DRGX: variants seen among roughly 807,000 people sequenced by gnomAD.
The protein encoded by DRGX is dorsal root ganglia homeobox, also known as dorsal root ganglia homeobox protein.
Under a neutral mutation model 28.6 loss-of-function variants are expected in DRGX, and 21 were observed. The ratio of observed to expected loss-of-function variants is 0.73; its 90% CI spans 0.52 to 1.06. DRGX has a LOEUF of 1.06. DRGX is among the 50% of genes least tolerant of loss of function. The pLI, the probability that DRGX is intolerant of heterozygous loss-of-function variation, is 0.00. For missense variants in DRGX, 354 were observed against 343.9 expected (o/e 1.03, Z -0.23); for synonymous variants, 136 against 139.1 (o/e 0.98, Z 0.16).
At chr10:49,374,924 G>A (rs113078626) in intron 6 of DRGX, among the ~76,000 whole-genome samples, 3,097 of 152,238 alleles carry the variant, frequency 0.02, 127 homozygotes, top group African/African-American at 0.07. Flanking sequence ...GACGTCTAAC[G>A]CAAACAGCAT....
intron 6 of DRGX, among the ~76,000 whole-genome samples, chr10:49,368,382 G>A (rs1358941482): frequency 6.6e-6 from 1 of 152,254 alleles, no homozygotes; most frequent in African/African-American, 2.4e-5. Flanking sequence ...CACACGCACA[G>A]TGTGCAAGGG....
At chr10:49,382,164 A>G (rs1849783293) in intron 6 of DRGX, among the ~76,000 whole-genome samples, 1 of 152,154 alleles carries the variant, frequency 6.6e-6, no homozygotes. Flanking sequence ...ATGCTCATCC[A>G]GAGGAATTAA....
intron 6 of DRGX, among the ~76,000 whole-genome samples, chr10:49,379,468 G>A (rs145736575): frequency 0.015 from 2,209 of 152,180 alleles, 21 homozygotes; most frequent in Admixed American, 0.027. Flanking sequence ...GGAAAACATC[G>A]TTAAAGAAGA....
intron 6 of DRGX, among the ~76,000 whole-genome samples, chr10:49,370,105 G>A (rs1338061692): frequency 3.3e-5 from 5 of 152,150 alleles, no homozygotes; most frequent in Non-Finnish European, 7.4e-5. Context: ...GGTGTGCACT[G>A]AGCAACAAGA....
At chr10:49,394,374 C>T (rs1204379606) in intron 2 of DRGX, among the ~76,000 whole-genome samples, 10 of 152,178 alleles carry the variant, frequency 6.6e-5, no homozygotes, top group Non-Finnish European at 1.5e-4. Context: ...TCTCCTAGCG[C>T]CTCACAACAT....
chr10:49,394,868 C>G (rs1423759991), intron 2 of DRGX, among the ~76,000 whole-genome samples: 1 of 152,176 alleles, frequency 6.6e-6, no homozygotes, highest in Non-Finnish European at 1.5e-5. Flanking sequence ...CCACCTGGTT[C>G]CAGGGACGGC....
chr10:49,365,931 G>C lies in DRGX; in HGVS notation c.*185C>G. The C allele has an allele frequency of 1.7e-6, 1 of 597,922 alleles. No individual in the cohort carries two copies. Among genetic ancestry groups the C allele is most frequent in the Non-Finnish European group, 2.6e-6 (1 of 384,086 alleles). 37.0% of individuals were successfully genotyped at this position (597,922 alleles called of 1,614,324 possible). On this transcript the variant is annotated 3_prime_UTR_variant, in exon 7 of 7. Coordinates refer to ENST00000374139, the MANE Select transcript of DRGX (RefSeq NM_001276451.2). ...GAAGCCAGGACAACACTGCCGCACTGGTGGGACTCCAGAGGGACGCTCCAG... is the reference window on the plus strand; with the variant it reads ...GAAGCCAGGACAACACTGCCGCACTCGTGGGACTCCAGAGGGACGCTCCAG...
intron 6 of DRGX, among the ~76,000 whole-genome samples, chr10:49,375,641 T>TG (rs141550510): frequency 6.6e-6 from 1 of 152,162 alleles, no homozygotes; most frequent in South Asian, 2.1e-4. Flanking sequence ...CACTCATTGA[T>TG]GGGGGCCAAC....
intron 6 of DRGX, among the ~76,000 whole-genome samples, chr10:49,369,324 C>T (rs1849630575): frequency 1.3e-5 from 2 of 152,214 alleles, no homozygotes; most frequent in African/African-American, 4.8e-5. Flanking sequence ...ACTCACACAG[C>T]ACTGGATTGA....
At position 49,365,992 on chromosome 10, in the gene DRGX, TG is replaced by T; in HGVS notation, c.*123del. On this transcript the variant is annotated 3_prime_UTR_variant, in exon 7 of 7. Transcript: ENST00000374139. ...AGCTGTGGGTCTCACTTGCCCGTCC[TG>T]GGTCCATGCAGAGGCCCTGGGGCCG... 1 of 1,241,232 alleles carries T rather than the reference TG, an allele frequency of 8.1e-7. No homozygotes were observed. The highest frequency in any genetic ancestry group is 1.1e-6 in the Non-Finnish European group (1 of 937,372). 76.9% of individuals were successfully genotyped at this position (1,241,232 alleles called of 1,614,324 possible). A position where few individuals can be genotyped will look rare whatever the true frequency, so the allele number is the denominator to read the frequency against.
chr10:49,369,301 C>T (rs1381217950), intron 6 of DRGX, among the ~76,000 whole-genome samples: 1 of 152,106 alleles, frequency 6.6e-6, no homozygotes, highest in African/African-American at 2.4e-5. Context: ...CCTGGCTCAC[C>T]CCCTACACAC....
intron 2 of DRGX, among the ~76,000 whole-genome samples, chr10:49,391,471 T>C (rs189265962): frequency 6.6e-6 from 1 of 152,326 alleles, no homozygotes; most frequent in Admixed American, 6.5e-5. Flanking sequence ...CCCTATTACA[T>C]AGGGCGAGTG....
intron 6 of DRGX, among the ~76,000 whole-genome samples, chr10:49,379,975 G>A (rs781036991): frequency 6.6e-6 from 1 of 152,224 alleles, no homozygotes; most frequent in Non-Finnish European, 1.5e-5. Context: ...GGATGAGGAG[G>A]AAGGCAAGGA....
In DRGX at chr10:49,391,338, G is replaced by T. The variant is rs1015162955; in HGVS notation, c.35-77C>A. 11 of 1,183,034 alleles carry T rather than the reference G, an allele frequency of 9.3e-6. No homozygotes were observed. In the Admixed American group the frequency reaches 1.5e-4, roughly 16 times the overall value. The allele number at this position is 1,183,034 out of a possible 1,614,324, so 73.3% of individuals were successfully genotyped here. On this transcript the variant is annotated intron_variant, in intron 2 of 6. Coordinates refer to ENST00000374139, the MANE Select transcript of DRGX (RefSeq NM_001276451.2). ...ACCGCCCCCAGACACAGTTCAGAGG[G>T]CACCCACCTGACCCACCAGACAGGA...
intron 2 of DRGX, among the ~76,000 whole-genome samples, chr10:49,394,542 G>A (rs1250208438): frequency 6.6e-6 from 1 of 152,210 alleles, no homozygotes; most frequent in Non-Finnish European, 1.5e-5. Context: ...CCCCATTAAA[G>A]CCCACAGTGT....
At chr10:49,385,822 A>G (rs1849827384) in intron 6 of DRGX, among the ~76,000 whole-genome samples, 1 of 151,990 alleles carries the variant, frequency 6.6e-6, no homozygotes, top group South Asian at 2.1e-4. Context: ...GTTCCTGGCC[A>G]ACACAGCTGT....
At chr10:49,380,809 A>G (rs1450104046) in intron 6 of DRGX, among the ~76,000 whole-genome samples, 1 of 152,222 alleles carries the variant, frequency 6.6e-6, no homozygotes, top group Non-Finnish European at 1.5e-5. Flanking sequence ...TTAAAAGTGA[A>G]TGGGGTCTAG....
chr10:49,371,058 C>T (rs1849654107), intron 6 of DRGX, among the ~76,000 whole-genome samples: 1 of 152,212 alleles, frequency 6.6e-6, no homozygotes, highest in East Asian at 1.9e-4. Context: ...GGCACATACA[C>T]ATGTTAACTT....
intron 2 of DRGX, among the ~76,000 whole-genome samples, chr10:49,394,313 T>C (rs965373537): frequency 7.2e-5 from 11 of 152,216 alleles, no homozygotes; most frequent in Non-Finnish European, 1.0e-4. Context: ...GCTCAGCCAC[T>C]GCTCAGGGCA....
Sources: gnomAD v4.1 joint callset for allele counts (sites outside exome capture counted in the v4.1 genomes callset) on GRCh38, gnomAD v4.1.1 for gene constraint, MANE v1.5 for transcripts, NCBI Gene and HGNC (gene_info 2026-07-23, HGNC 2026-07-21) for gene names.